PGRMC2: variants seen among roughly 807,000 people sequenced by gnomAD.
The protein encoded by PGRMC2 is progesterone receptor membrane component 2.
PGRMC2 carries 9 observed loss-of-function variants against 19.3 expected under a neutral mutation model. That is an observed-to-expected ratio of 0.47 (90% CI 0.28 to 0.81). The LOEUF (loss-of-function observed/expected upper bound fraction) is 0.81. PGRMC2 is among the 40% of genes least tolerant of loss of function. PGRMC2 has a pLI of 0.11. For missense variants in PGRMC2, 289 were observed against 297.3 expected, an observed-to-expected ratio of 0.97 and a Z score of 0.21; for synonymous variants, 157 against 124.6, an observed-to-expected ratio of 1.26 and a Z score of -1.73.
At chr4:128,272,046 T>C (rs1275734994) in intron 2 of PGRMC2, among the ~76,000 whole-genome samples, 1 of 152,222 alleles carries the variant, frequency 6.6e-6, no homozygotes, top group African/African-American at 2.4e-5. Flanking sequence ...TTTTTAAATA[T>C]TGATTTTCAA....
intron 1 of PGRMC2, among the ~76,000 whole-genome samples, chr4:128,286,300 G>A (rs1307040562): frequency 6.6e-6 from 1 of 151,906 alleles, no homozygotes; most frequent in Non-Finnish European, 1.5e-5. Flanking sequence ...CAACCAGGAT[G>A]CACAATGTTG....
chr4:128,277,775 T>C (rs560100880), intron 1 of PGRMC2, among the ~76,000 whole-genome samples: 4 of 152,224 alleles, frequency 2.6e-5, no homozygotes, highest in African/African-American at 4.8e-5. Flanking sequence ...CCAAGACTTT[T>C]AGAGAGAATG....
intron 2 of PGRMC2, among the ~76,000 whole-genome samples, chr4:128,271,748 C>T (rs1016482163): frequency 2.0e-5 from 3 of 152,114 alleles, no homozygotes; most frequent in Non-Finnish European, 1.5e-5. Flanking sequence ...CCCAGCTAAA[C>T]CAGAACAGCT....
intron 1 of PGRMC2, chr4:128,286,596 G>GA (rs1561619059): frequency 2.5e-6 from 1 of 398,036 alleles, no homozygotes; most frequent in African/African-American, 2.1e-5. Flanking sequence ...GAAAAAAAAA[G>GA]AAAAAAGAAA....
intron 1 of PGRMC2, among the ~76,000 whole-genome samples, chr4:128,281,649 C>G (rs1760912091): frequency 6.6e-6 from 1 of 152,000 alleles, no homozygotes; most frequent in Non-Finnish European, 1.5e-5. Flanking sequence ...GGACATAGTG[C>G]TAATATTAAA....
At chr4:128,284,542 C>T (rs952767891) in intron 1 of PGRMC2, among the ~76,000 whole-genome samples, 1 of 152,094 alleles carries the variant, frequency 6.6e-6, no homozygotes, top group Non-Finnish European at 1.5e-5. Context: ...CAACTGTTTG[C>T]CAAAATGTGT....
At chr4:128,277,633 A>G (rs1048964568) in intron 1 of PGRMC2, among the ~76,000 whole-genome samples, 4 of 152,226 alleles carry the variant, frequency 2.6e-5, no homozygotes, top group African/African-American at 2.4e-5. Context: ...TTATAAATTG[A>G]GTAACTAATA....
At chr4:128,287,103 G>C (rs1472194478) in intron 1 of PGRMC2, among the ~76,000 whole-genome samples, 2 of 152,090 alleles carry the variant, frequency 1.3e-5, no homozygotes, top group African/African-American at 4.8e-5. Flanking sequence ...AGGAGAAATG[G>C]GATGGAAGAA....
Position 128,270,686 on chromosome 4 carries a change from C to T in PGRMC2, c.*630G>A, listed in dbSNP as rs1315440414. 1.3e-5 allele frequency: 2 copies of T among 152,394 alleles called. No individual in the cohort carries two copies. The highest frequency in any genetic ancestry group is 1.3e-4 in the Admixed American group (2 of 15,272). The allele number at this position is 152,394 out of a possible 1,614,324, so 9.4% of individuals were successfully genotyped here. Reference sequence around the variant, plus strand: ...AATGATCTTTCTGTTGGGGAACTAGCTCTGACTTAAACCCACCTGAAATTC... The same window carrying T: ...AATGATCTTTCTGTTGGGGAACTAGTTCTGACTTAAACCCACCTGAAATTC... On this transcript the variant is annotated 3_prime_UTR_variant, in exon 3 of 3. Transcript: ENST00000296425.
chr4:128,278,131 T>C (rs1415203368), intron 1 of PGRMC2, among the ~76,000 whole-genome samples: 3 of 152,156 alleles, frequency 2.0e-5, no homozygotes, highest in East Asian at 3.8e-4. Flanking sequence ...GTGCCACTTA[T>C]GGGAGTGGGG....
intron 1 of PGRMC2, among the ~76,000 whole-genome samples, chr4:128,285,591 C>G (rs1297259963): frequency 1.3e-5 from 2 of 152,180 alleles, no homozygotes; most frequent in African/African-American, 4.8e-5. Context: ...AGTGGCAGTT[C>G]AGACAGGGTA....
intron 1 of PGRMC2, among the ~76,000 whole-genome samples, chr4:128,281,353 T>C (rs187433662): frequency 3.3e-4 from 50 of 152,288 alleles, no homozygotes; most frequent in Non-Finnish European, 4.1e-4. Context: ...CTTTTTCAAA[T>C]TGACACTAAA....
At position 128,271,292 on chromosome 4, in the gene PGRMC2, CCT is replaced by C. The variant is rs774226019; in HGVS notation, c.*22_*23del. Reference sequence around the variant, plus strand: ...AGTAAGAATTGCAGTTCTGAAGGCCCCTGACTTTGGTTGTTTACAAAGTTCAA... The same window carrying C: ...AGTAAGAATTGCAGTTCTGAAGGCCCGACTTTGGTTGTTTACAAAGTTCAA... On this transcript the variant is annotated 3_prime_UTR_variant, in exon 3 of 3. Transcript: ENST00000296425. 2.0e-5 allele frequency: 26 copies of C among 1,321,108 alleles called. No individual in the cohort carries two copies. The highest frequency in any genetic ancestry group is 2.8e-5 in the Non-Finnish European group (26 of 920,898). 81.8% of individuals were successfully genotyped at this position (1,321,108 alleles called of 1,614,324 possible).
chr4:128,279,993 G>A (rs971532168), intron 1 of PGRMC2, among the ~76,000 whole-genome samples: 3 of 152,020 alleles, frequency 2.0e-5, no homozygotes, highest in African/African-American at 7.3e-5. Flanking sequence ...TAACTTACGT[G>A]AGGCCCTATT....
intron 1 of PGRMC2, among the ~76,000 whole-genome samples, chr4:128,281,187 T>TG (rs757101089): frequency 6.6e-6 from 1 of 152,230 alleles, no homozygotes; most frequent in East Asian, 1.9e-4. Flanking sequence ...GAAAACAGGA[T>TG]GGGGGAGGAA....
chr4:128,285,076 C>T (rs1760962991), intron 1 of PGRMC2, among the ~76,000 whole-genome samples: 1 of 152,078 alleles, frequency 6.6e-6, no homozygotes, highest in Non-Finnish European at 1.5e-5. Flanking sequence ...ATCTCAAGAG[C>T]CTCCCTCAGT....
chr4:128,286,448 C>T (rs535487167), intron 1 of PGRMC2, among the ~76,000 whole-genome samples: 5 of 152,274 alleles, frequency 3.3e-5, no homozygotes, highest in Non-Finnish European at 5.9e-5. Context: ...AAACAAAGTT[C>T]TCTCAAAACA....
At chr4:128,273,173 A>C (rs1016702715) in intron 1 of PGRMC2, 2 of 152,252 alleles carry the variant, frequency 1.3e-5, no homozygotes, top group Non-Finnish European at 2.9e-5. Context: ...TATATAAACT[A>C]GGAAAAGTCA....
At chr4:128,287,323 G>T (rs970768515) in intron 1 of PGRMC2, 50 bp downstream of exon 1, 1 of 1,552,618 alleles carries the variant, frequency 6.4e-7, no homozygotes. Context: ...TCCGAAGGGG[G>T]TTGTGCTTCA....
Sources: gnomAD v4.1 joint callset for allele counts (sites outside exome capture counted in the v4.1 genomes callset) on GRCh38, gnomAD v4.1.1 for gene constraint, MANE v1.5 for transcripts, NCBI Gene and HGNC (gene_info 2026-07-23, HGNC 2026-07-21) for gene names.